Variants in MYRF observed in about 807,000 individuals in gnomAD.
The protein encoded by MYRF is myelin regulatory factor, also known as myelin gene regulatory factor.
MYRF carries 16 observed loss-of-function variants against 126.3 expected under a neutral mutation model. That is an observed-to-expected ratio of 0.13 (90% CI 0.09 to 0.19). MYRF has a LOEUF of 0.19. Ranked by LOEUF, MYRF falls within the 10% of genes least tolerant of loss-of-function variation. The pLI, the probability that MYRF is intolerant of heterozygous loss-of-function variation, is 1.00. For synonymous variants in MYRF, 608 were observed against 635.3 expected (o/e 0.96, Z 0.65); for missense variants, 1,104 against 1,547.0 (o/e 0.71, Z 4.80).
intron 1 of MYRF, among the ~76,000 whole-genome samples, chr11:61,753,859 G>A (rs1014035104): frequency 1.3e-5 from 2 of 152,106 alleles, no homozygotes; most frequent in Non-Finnish European, 2.9e-5. Flanking sequence ...GTGGGAGGGG[G>A]AGGGGAAGTT....
At position 61,771,554 on chromosome 11, in the gene MYRF, C is replaced by G; in HGVS notation, c.795C>G (p.Thr265=). The G allele has an allele frequency of 6.2e-7, 1 of 1,613,986 alleles. No homozygotes were observed. Among genetic ancestry groups the G allele is most frequent in the Non-Finnish European group, 8.5e-7 (1 of 1,179,948 alleles). ...KRKHSESPPS[T]LNAQMLNGMI... The stretch of plus-strand genomic sequence containing the variant: ...AGCACTCTGAATCCCCCCCCAGCAC[C>G]CTCAATGCCCAGATGCTGAATGGAA... The change falls in exon 6 of 27, where the codon ACC becomes ACG. Residue 265 remains threonine (T), a synonymous_variant. Coordinates refer to ENST00000278836, the MANE Select transcript of MYRF (RefSeq NM_001127392.3).
At chr11:61,762,870 C>G (rs556564463) in intron 1 of MYRF, among the ~76,000 whole-genome samples, 6 of 152,182 alleles carry the variant, frequency 3.9e-5, no homozygotes, top group African/African-American at 1.4e-4. Flanking sequence ...CCTCCTTCCT[C>G]CATCCTCCGT....
At position 61,783,587 on chromosome 11, in the gene MYRF, G is replaced by A; in HGVS notation, c.3106G>A (p.Gly1036Arg). ...MSITSQYCAP[G>R]DACRPGNFTY... ...CATCACCTCCCAGTACTGTGCTCCAGGGGATGCCTGCAGGTGGGCTGGGCT... is the reference window on the plus strand; with the variant it reads ...CATCACCTCCCAGTACTGTGCTCCAAGGGATGCCTGCAGGTGGGCTGGGCT... The change falls in exon 23 of 27, where the codon GGG becomes AGG. Residue 1036 changes from glycine (G) to arginine (R), a missense_variant. By Grantham distance (125) the Gly-to-Arg change is moderately radical. Transcript: ENST00000278836. This position sits in a 1 kb window ranked among gnomAD's most constrained non-coding sequence, Gnocchi z 4.6. 3 of 1,613,486 alleles carry A rather than the reference G, an allele frequency of 1.9e-6. No homozygotes were observed. The highest frequency in any genetic ancestry group is 2.5e-6 in the Non-Finnish European group (3 of 1,179,832).
rs2066739273 is a variant in MYRF at position 61,788,253 on chromosome 11, T to TGTA, written c.*2111_*2113dup. 6.6e-6 allele frequency: 1 copy of TGTA among 152,378 alleles called. No homozygotes were observed. Among genetic ancestry groups the TGTA allele is most frequent in the African/African-American group, 2.4e-5 (1 of 41,418 alleles). The allele number at this position is 152,378 out of a possible 1,614,324, so 9.4% of individuals were successfully genotyped here. A position where few individuals can be genotyped will look rare whatever the true frequency, so the allele number is the denominator to read the frequency against. ...GGCTAATCTCCCCCTAGCTTCAAGC[T>TGTA]GTACATAGGGCCTCCCAGTGCAAAT... On this transcript the variant is annotated 3_prime_UTR_variant, in exon 27 of 27. Coordinates refer to ENST00000278836, the MANE Select transcript of MYRF (RefSeq NM_001127392.3).
At position 61,757,189 on chromosome 11, in the gene MYRF, C is replaced by T. The variant is rs2065779733; in HGVS notation, c.46+4399C>T. On this transcript the variant is annotated intron_variant, in intron 1 of 26. Coordinates refer to ENST00000278836, the MANE Select transcript of MYRF (RefSeq NM_001127392.3). This position sits in a 1 kb window ranked among gnomAD's most constrained non-coding sequence, Gnocchi z 4.7. ...GCCTCCTCTCCTATCTCCAGGCCTT[C>T]AGCCCCGGCTGCCACGGGGTGTGGG... 2.2e-6 allele frequency: 1 copy of T among 456,878 alleles called. No individual in the cohort carries two copies. The highest frequency in any genetic ancestry group is 4.4e-6 in the Non-Finnish European group (1 of 226,968). The allele number at this position is 456,878 out of a possible 1,614,324, so 28.3% of individuals were successfully genotyped here.
At position 61,757,679 on chromosome 11, in the gene MYRF, C is replaced by T. The variant is rs1210433833; in HGVS notation, c.46+4889C>T. 7.5e-6 allele frequency: 3 copies of T among 399,268 alleles called. No homozygotes were observed. The highest frequency in any genetic ancestry group is 1.5e-5 in the Non-Finnish European group (3 of 198,530). 24.7% of individuals were successfully genotyped at this position (399,268 alleles called of 1,614,324 possible). A position where few individuals can be genotyped will look rare whatever the true frequency, so the allele number is the denominator to read the frequency against. ...CTCTGAGATTTGGGTTCTGTTCTTG[C>T]TGCCAGCAAGGAGGAGGGGCTTGGC... On this transcript the variant is annotated intron_variant, in intron 1 of 26. Transcript: ENST00000278836. The surrounding 1 kb of genome is among the most constrained non-coding windows in gnomAD (Gnocchi z 4.7).
chr11:61,765,794 C>T (rs1055531527), intron 2 of MYRF, 82 bp downstream of exon 2: 172 of 1,472,826 alleles, frequency 1.2e-4, no homozygotes, highest in Middle Eastern at 2.3e-4. Context: ...GTCTGAGGGC[C>T]GGACCTGGGG....
chr11:61,781,771 C>A lies in MYRF; in HGVS notation c.2963C>A (p.Ala988Asp). 6.2e-7 allele frequency: 1 copy of A among 1,609,280 alleles called. No homozygotes were observed. Among genetic ancestry groups the A allele is most frequent in the Non-Finnish European group, 8.5e-7 (1 of 1,178,304 alleles). ...TTCCATGGCCGGGCCCGCCGAGGGG[C>A]CCTCCAGTCCAGCGTGGGCCCTGCT... Reference protein sequence around the residue: ...LGFHGRARRGALQSSVGPAEP... With the variant: ...LGFHGRARRGDLQSSVGPAEP... Residue 988 changes from alanine (A) to aspartate (D), a missense_variant, in exon 22 of 27, where the codon GCC becomes GAC. Coordinates refer to ENST00000278836, the MANE Select transcript of MYRF (RefSeq NM_001127392.3).
rs575383261 is a variant in MYRF at position 61,760,912 on chromosome 11, C to A, written c.47-4713C>A. 2.0e-5 allele frequency among the ~76,000 whole-genome samples: 3 copies of A among 152,292 alleles called. No individual in the cohort carries two copies. The South Asian group carries it at 6.2e-4, about 32-fold the overall frequency. ...GGGCTGTCCCTTGACTGCTACCACC[C>A]TGGCCCTCAGCTGCTGCCTGAAGCT... is the stretch of plus-strand genomic sequence containing the variant. On this transcript the variant is annotated intron_variant, in intron 1 of 26. Coordinates refer to ENST00000278836, the MANE Select transcript of MYRF (RefSeq NM_001127392.3).
intron 1 of MYRF, among the ~76,000 whole-genome samples, chr11:61,765,384 TCTC>T (rs1272290141): frequency 6.6e-6 from 1 of 152,032 alleles, no homozygotes; most frequent in Non-Finnish European, 1.5e-5. Context: ...CCTGGGCCCC[TCTC>T]CTCCTCTGAG....
At chr11:61,773,403 C>T (rs1375406505) in intron 7 of MYRF, among the ~76,000 whole-genome samples, 1 of 152,162 alleles carries the variant, frequency 6.6e-6, no homozygotes, top group Admixed American at 6.5e-5. Flanking sequence ...CCAGGAGTGC[C>T]CCTTCCCTCC....
In MYRF at chr11:61,785,825, C is replaced by G; in HGVS notation, c.3326C>G (p.Thr1109Ser). 2 of 1,614,186 alleles carry G rather than the reference C, an allele frequency of 1.2e-6. No homozygotes were observed. Among genetic ancestry groups the G allele is most frequent in the Middle Eastern group, 1.6e-4 (1 of 6,062 alleles). The change falls in exon 26 of 27, where the codon ACC (threonine) becomes AGC (serine). Residue 1109 changes from threonine (T) to serine (S), a missense_variant. By Grantham distance (58) the Thr-to-Ser change is moderately conservative. This residue lies in a region of MYRF where 94 missense variants were observed against 164.6 expected (regional missense o/e 0.57). Coordinates refer to ENST00000278836, the MANE Select transcript of MYRF (RefSeq NM_001127392.3). ...GGCACCTCTCACCGGTGGCCAATAA[C>G]CATCCTGTCCTTCCGTGAATTCACC... is the stretch of plus-strand genomic sequence containing the variant. Reference protein sequence around the residue: ...TQGTSHRWPITILSFREFTYH... With the variant: ...TQGTSHRWPISILSFREFTYH...
chr11:61,769,376 C>A, intron 4 of MYRF, 55 bp downstream of exon 4: 3 of 1,437,338 alleles, frequency 2.1e-6, no homozygotes, highest in Non-Finnish European at 2.9e-6. Context: ...GTAGTTGGGG[C>A]GGCCTTATCA....
At chr11:61,774,834 G>A (rs575856577) in intron 8 of MYRF, among the ~76,000 whole-genome samples, 7 of 151,934 alleles carry the variant, frequency 4.6e-5, no homozygotes, top group Non-Finnish European at 1.0e-4. Flanking sequence ...CCCGTTTCCT[G>A]CTCCAGCCTG....
chr11:61,762,116 C>G (rs1159310055), intron 1 of MYRF, among the ~76,000 whole-genome samples: 4 of 152,046 alleles, frequency 2.6e-5, no homozygotes, highest in Non-Finnish European at 4.4e-5. Context: ...CTTTCTCAGG[C>G]TTAGGGAACA....
At chr11:61,772,604 A>G (rs1160860640) in intron 7 of MYRF, among the ~76,000 whole-genome samples, 3 of 152,200 alleles carry the variant, frequency 2.0e-5, no homozygotes, top group Admixed American at 6.5e-5. Context: ...GGGTGGCTGA[A>G]GGGTCCCATG....
rs779400639 is a variant in MYRF, at chr11:61,771,913, A to G, written c.1076A>G (p.Asn359Ser). ...QSIKWQPHQQ[N>S]KWATLYDANY... is the part of the protein sequence containing the mutation. ...ATCAAGTGGCAGCCTCATCAGCAGAACAAGTGGGCGACCCTGTACGATGCT... is the reference window on the plus strand; with the variant it reads ...ATCAAGTGGCAGCCTCATCAGCAGAGCAAGTGGGCGACCCTGTACGATGCT... Residue 359 changes from asparagine to serine, a missense_variant, in exon 7 of 27, where the codon AAC becomes AGC. Asn to Ser is a conservative substitution (Grantham distance 46). This residue lies in a region of MYRF where 87 missense variants were observed against 129.2 expected (regional missense o/e 0.67). Transcript: ENST00000278836. 5.0e-6 allele frequency: 8 copies of G among 1,614,088 alleles called. No homozygotes were observed. Among genetic ancestry groups the G allele is most frequent in the Middle Eastern group, 1.6e-4 (1 of 6,062 alleles).
In MYRF at chr11:61,784,106, G is replaced by C. The variant is rs941157737; in HGVS notation, c.3195-174G>C. ...ACTGGCTAAATGACCTGGCCTCATG[G>C]GCTGAGGACCACATGGGATGGTCGA... On this transcript the variant is annotated intron_variant, in intron 24 of 26. Coordinates refer to ENST00000278836, the MANE Select transcript of MYRF (RefSeq NM_001127392.3). The C allele has an allele frequency of 9.4e-6, 9 of 959,868 alleles. No homozygotes were observed. In the South Asian group the frequency reaches 1.4e-4, roughly 15 times the overall value. 59.5% of individuals were successfully genotyped at this position (959,868 alleles called of 1,614,324 possible). A position where few individuals can be genotyped will look rare whatever the true frequency, so the allele number is the denominator to read the frequency against.
intron 3 of MYRF, chr11:61,766,514 G>T: frequency 2.4e-6 from 1 of 415,320 alleles, no homozygotes; most frequent in South Asian, 5.8e-5. Flanking sequence ...GGAAGCGGCG[G>T]GACTGGAGGC....
Sources: gnomAD v4.1 joint callset for allele counts (sites outside exome capture counted in the v4.1 genomes callset) on GRCh38, gnomAD v4.1.1 for gene constraint, gnomAD v4.1.1 regional missense constraint, Gnocchi (gnomAD v3.1) non-coding constraint, MANE v1.5 for transcripts, NCBI Gene and HGNC (gene_info 2026-07-23, HGNC 2026-07-21) for gene names.